The following FMNL2 variants were observed in gnomAD, a reference collection of about 807,000 sequenced individuals.
The protein encoded by FMNL2 is formin like 2.
In FMNL2, 51 loss-of-function variants were observed where a neutral mutation model predicts 130.2. That is an observed-to-expected ratio of 0.39 (90% CI 0.31 to 0.49). FMNL2 has a LOEUF of 0.49. FMNL2 is among the 20% of genes least tolerant of loss of function. FMNL2 has a pLI of 0.85. For missense variants in FMNL2, 977 were observed against 1,316.2 expected (o/e 0.74, Z 3.99); for synonymous variants, 465 against 467.1 (o/e 1.00, Z 0.06).
intron 9 of FMNL2, among the ~76,000 whole-genome samples, chr2:152,589,987 A>ATATGTATGTATATGTATATATG (rs70974871): frequency 1.8e-5 from 1 of 55,254 alleles, no homozygotes; most frequent in African/African-American, 7.5e-5. Context: ...ATATATATGT[A>ATATGTATGTATATGTATATATG]TATGTATATG....
intron 9 of FMNL2, among the ~76,000 whole-genome samples, chr2:152,584,012 T>G (rs1248142847): frequency 6.6e-6 from 1 of 152,206 alleles, no homozygotes; most frequent in Non-Finnish European, 1.5e-5. Flanking sequence ...TATCCAATCT[T>G]GAGGTGCAAA....
At position 152,632,095 on chromosome 2, in the gene FMNL2, C is replaced by G. The variant is rs772473214; in HGVS notation, c.2638C>G (p.Leu880Val). ...GAAAGAAAAATATCACCAAGTGTCC[C>G]TGTTTTATAATGAGCTTCATTATGT... ...VVKEKYHQVS[L>V]FYNELHYVEK... Residue 880 changes from leucine to valine, a missense_variant, in exon 21 of 26, where the codon CTG becomes GTG. Physicochemically the swap from Leu to Val is conservative, Grantham distance 32. This residue lies in a region of FMNL2 where 689 missense variants were observed against 995.9 expected (regional missense o/e 0.69). Coordinates refer to ENST00000288670, the MANE Select transcript of FMNL2 (RefSeq NM_052905.4). 2 of 1,613,188 alleles carry G rather than the reference C, an allele frequency of 1.2e-6. No homozygotes were observed. The highest frequency in any genetic ancestry group is 1.7e-6 in the Non-Finnish European group (2 of 1,179,496).
At chr2:152,410,989 C>T (rs1462914455) in intron 1 of FMNL2, among the ~76,000 whole-genome samples, 1 of 152,140 alleles carries the variant, frequency 6.6e-6, no homozygotes, top group Non-Finnish European at 1.5e-5. Flanking sequence ...TTAATTACTT[C>T]TAGTTAAAGA....
chr2:152,504,822 A>G (rs898151165), intron 1 of FMNL2, among the ~76,000 whole-genome samples: 2 of 152,184 alleles, frequency 1.3e-5, no homozygotes, highest in African/African-American at 4.8e-5. Flanking sequence ...GCGGGGGCTT[A>G]GGAATGTGCA....
At chr2:152,467,417 C>T (rs543970467) in intron 1 of FMNL2, among the ~76,000 whole-genome samples, 24 of 152,136 alleles carry the variant, frequency 1.6e-4, no homozygotes, top group Non-Finnish European at 2.2e-4. Context: ...TTGCTTGTCC[C>T]GTTTGTTAAC....
At position 152,618,878 on chromosome 2, in the gene FMNL2, C is replaced by T; in HGVS notation, c.1347C>T (p.His449=). The part of the protein sequence containing the change: ...EIYKDANTQV[H]TLRKMVKEKE... Reference sequence around the variant, plus strand: ...ACAAAGATGCAAATACTCAAGTTCACACATTAAGAAAAATGGTCAAAGAAA... The same window carrying T: ...ACAAAGATGCAAATACTCAAGTTCATACATTAAGAAAAATGGTCAAAGAAA... Residue 449 remains histidine (H), a synonymous_variant, in exon 14 of 26, where the codon CAC becomes CAT. Coordinates refer to ENST00000288670, the MANE Select transcript of FMNL2 (RefSeq NM_052905.4). The T allele has an allele frequency of 6.2e-7, 1 of 1,608,144 alleles. No individual in the cohort carries two copies. Among genetic ancestry groups the T allele is most frequent in the Non-Finnish European group, 8.5e-7 (1 of 1,177,872 alleles).
At chr2:152,341,600 C>T (rs1193331701) in intron 1 of FMNL2, among the ~76,000 whole-genome samples, 4 of 152,198 alleles carry the variant, frequency 2.6e-5, no homozygotes, top group African/African-American at 9.7e-5. Context: ...CCTTGGTTTT[C>T]CTCCTTTGTG....
In FMNL2 at chr2:152,423,392, G is replaced by A. The variant is rs528790631; in HGVS notation, c.117+87672G>A. Among the ~76,000 whole-genome samples the A allele has an allele frequency of 2.0e-5, 3 of 152,188 alleles. No individual in the cohort carries two copies. The South Asian group carries it at 6.2e-4, about 31-fold the overall frequency. ...TAGATTGGCCAGTGTCACAGAGCTG[G>A]TAATGATGGAGTTGGGAATCAAAAC... On this transcript the variant is annotated intron_variant, in intron 1 of 25. Transcript: ENST00000288670.
intron 1 of FMNL2, among the ~76,000 whole-genome samples, chr2:152,425,026 T>C (rs1687129247): frequency 6.6e-6 from 1 of 152,208 alleles, no homozygotes; most frequent in African/African-American, 2.4e-5. Flanking sequence ...AGTTGTAAAC[T>C]GGAAGAAATT....
At chr2:152,367,917 T>G (rs1372574674) in intron 1 of FMNL2, among the ~76,000 whole-genome samples, 1 of 152,190 alleles carries the variant, frequency 6.6e-6, no homozygotes, top group Non-Finnish European at 1.5e-5. Flanking sequence ...GGTTTTGCCC[T>G]TTGTAAATGT....
Position 152,542,882 on chromosome 2 carries a change from C to T in FMNL2, c.282+63C>T, listed in dbSNP as rs781458898. 5.1e-6 allele frequency: 8 copies of T among 1,555,342 alleles called. No individual in the cohort carries two copies. The East Asian group carries it at 1.6e-4, about 31-fold the overall frequency. ...CTTATTAGCGAGCAGAATCCTCCTG[C>T]ATTGGAAGAGACCTTCCTTCCTCTG... On this transcript the variant is annotated intron_variant, in intron 3 of 25. Transcript: ENST00000288670.
At chr2:152,496,385 C>T (rs950567192) in intron 1 of FMNL2, among the ~76,000 whole-genome samples, 3 of 152,144 alleles carry the variant, frequency 2.0e-5, no homozygotes, top group African/African-American at 7.2e-5. Context: ...ATCACATGCC[C>T]ATGGTATCTG....
At chr2:152,483,757 C>T (rs1579778603) in intron 1 of FMNL2, among the ~76,000 whole-genome samples, 1 of 152,256 alleles carries the variant, frequency 6.6e-6, no homozygotes, top group African/African-American at 2.4e-5. Context: ...ACTGCAACTA[C>T]ACATGTTTCT....
At chr2:152,499,138 C>T (rs1350532368) in intron 1 of FMNL2, among the ~76,000 whole-genome samples, 1 of 152,138 alleles carries the variant, frequency 6.6e-6, no homozygotes, top group African/African-American at 2.4e-5. Flanking sequence ...TCTGTGAAGC[C>T]TGATTGGGGA....
intron 1 of FMNL2, among the ~76,000 whole-genome samples, chr2:152,472,517 A>T (rs940148185): frequency 6.6e-6 from 1 of 152,226 alleles, no homozygotes; most frequent in African/African-American, 2.4e-5. Flanking sequence ...TCTTTATCCC[A>T]GTTGTGTTTG....
chr2:152,335,673 C>A lies in FMNL2; in HGVS notation c.70C>A (p.Pro24Thr). The A allele has an allele frequency of 6.3e-7, 1 of 1,592,904 alleles. No homozygotes were observed. The highest frequency in any genetic ancestry group is 8.5e-7 in the Non-Finnish European group (1 of 1,169,672). The part of the protein sequence containing the change: ...FRAHNVPLKL[P>T]MPEPGELEER... ...GGCGCACAACGTGCCTTTGAAGCTG[C>A]CGATGCCAGAGCCAGGTGAACTGGA... is the stretch of plus-strand genomic sequence containing the variant. Residue 24 changes from proline (P) to threonine (T), a missense_variant, in exon 1 of 26, where the codon CCG becomes ACG. Coordinates refer to ENST00000288670, the MANE Select transcript of FMNL2 (RefSeq NM_052905.4).
intron 1 of FMNL2, among the ~76,000 whole-genome samples, chr2:152,490,889 G>T (rs1579797851): frequency 6.6e-6 from 1 of 152,102 alleles, no homozygotes; most frequent in Non-Finnish European, 1.5e-5. Context: ...ATATCTGGTT[G>T]TGTCAAAAAA....
chr2:152,639,036 C>A (rs995642441), intron 23 of FMNL2, among the ~76,000 whole-genome samples: 1 of 107,574 alleles, frequency 9.3e-6, no homozygotes, highest in Non-Finnish European at 1.9e-5. Context: ...CGTGCTCCTT[C>A]CACCTCACTG....
intron 1 of FMNL2, among the ~76,000 whole-genome samples, chr2:152,363,703 A>G (rs1683323855): frequency 6.6e-6 from 1 of 152,100 alleles, no homozygotes; most frequent in South Asian, 2.1e-4. Context: ...CTGGGATTAC[A>G]GGCGCCTGCC....
Sources: allele counts gnomAD v4.1 joint callset (sites outside exome capture counted in the v4.1 genomes callset), GRCh38; gene constraint gnomAD v4.1.1; regional missense constraint gnomAD v4.1.1; transcripts MANE v1.5; gene names NCBI Gene and HGNC (gene_info 2026-07-23, HGNC 2026-07-21).